Variants in VLDLR observed in about 807,000 individuals in gnomAD.
The protein encoded by VLDLR is very low-density lipoprotein receptor.
In VLDLR, 81 loss-of-function variants were observed where a neutral mutation model predicts 112.7. That is an observed-to-expected ratio of 0.72 (90% CI 0.60 to 0.86). The LOEUF (loss-of-function observed/expected upper bound fraction) is 0.86, where lower values mean the gene tolerates loss of function less well. Among genes scored for constraint, VLDLR ranks in the 40% least tolerant of loss-of-function variants. The probability of loss-of-function intolerance (pLI) is 0.00; values close to 1 mark genes in which losing one functional copy is unlikely to be tolerated. For synonymous variants in VLDLR, 436 were observed against 384.8 expected, an observed-to-expected ratio of 1.13 and a Z score of -1.56; for missense variants, 1,237 against 1,099.4, an observed-to-expected ratio of 1.13 and a Z score of -1.77.
Position 2,647,471 on chromosome 9 carries a change from C to T in VLDLR, c.1704-3C>T. On this transcript the variant is annotated splice_region_variant and splice_polypyrimidine_tract_variant and intron_variant, in intron 11 of 18. Coordinates refer to ENST00000382100, the MANE Select transcript of VLDLR (RefSeq NM_003383.5). The stretch of plus-strand genomic sequence containing the variant: ...GGCTTATTTCTCATTTAATTTTTCA[C>T]AGCTTTGTTTACTGGTCAGACTGGG... 1 of 1,612,514 alleles carries T rather than the reference C, an allele frequency of 6.2e-7. No homozygotes were observed. The highest frequency in any genetic ancestry group is 8.5e-7 in the Non-Finnish European group (1 of 1,178,550).
In VLDLR at chr9:2,654,135, A is replaced by G. The variant is rs1036108012; in HGVS notation, c.*267A>G. 2.7e-5 allele frequency: 13 copies of G among 478,638 alleles called. No individual in the cohort carries two copies. The highest frequency in any genetic ancestry group is 4.0e-5 in the East Asian group (1 of 24,830). 29.6% of individuals were successfully genotyped at this position (478,638 alleles called of 1,614,324 possible). ...ACAGTATTGCCACCTCTGGCCAAAT[A>G]TGCACTTTCCCTAGAAAGCCATATT... On this transcript the variant is annotated 3_prime_UTR_variant, in exon 19 of 19. Transcript: ENST00000382100.
chr9:2,645,689 T>C lies in VLDLR; in HGVS notation c.1428T>C (p.Ala476=). The C allele has an allele frequency of 6.2e-7, 1 of 1,614,198 alleles. No homozygotes were observed. The highest frequency in any genetic ancestry group is 1.7e-5 in the Admixed American group (1 of 60,022). The change falls in exon 10 of 19, where the codon GCT becomes GCC. Residue 476 remains alanine (A), a synonymous_variant. Coordinates refer to ENST00000382100, the MANE Select transcript of VLDLR (RefSeq NM_003383.5). ...EQLRNTVALD[A]DIAAQKLFWA... ...TAAGAAACACTGTGGCTCTCGATGC[T>C]GACATTGCTGCCCAGAAACTATTCT...
chr9:2,630,151 T>C (rs1817276655), intron 1 of VLDLR, among the ~76,000 whole-genome samples: 1 of 152,202 alleles, frequency 6.6e-6, no homozygotes, highest in African/African-American at 2.4e-5. Flanking sequence ...ACAATCTTTG[T>C]GCTTGACAGC....
intron 10 of VLDLR, 112 bp from the exon 11 acceptor site, chr9:2,646,222 A>T: frequency 1.0e-6 from 1 of 967,096 alleles, no homozygotes; most frequent in Non-Finnish European, 1.6e-6. Flanking sequence ...CTGTGGTGTT[A>T]ACTGGATTTC....
chr9:2,625,080 G>A (rs34226476), intron 1 of VLDLR, among the ~76,000 whole-genome samples: 1,723 of 152,304 alleles, frequency 0.011, 30 homozygotes, highest in African/African-American at 0.04. Flanking sequence ...GCTAGCAAAG[G>A]TGACAGTCTC....
At position 2,654,900 on chromosome 9, in the gene VLDLR, A is replaced by T. The variant is rs979061892; in HGVS notation, c.*1032A>T. 1 of 152,226 alleles carries T rather than the reference A, an allele frequency of 6.6e-6. No individual in the cohort carries two copies. The highest frequency in any genetic ancestry group is 6.5e-5 in the Admixed American group (1 of 15,280). The allele number at this position is 152,226 out of a possible 1,614,324, so 9.4% of individuals were successfully genotyped here. ...GGGCTTTCTTCTTATGAAAGTCTAG[A>T]CTGTCTTACTGTGAAGATGGCCAGG... On this transcript the variant is annotated 3_prime_UTR_variant, in exon 19 of 19. Transcript: ENST00000382100.
At chr9:2,632,099 C>T (rs969630938) in intron 1 of VLDLR, among the ~76,000 whole-genome samples, 2 of 152,186 alleles carry the variant, frequency 1.3e-5, no homozygotes, top group African/African-American at 4.8e-5. Flanking sequence ...GTACAAGCGA[C>T]TTCCAACCCC....
rs144724569 is a variant in VLDLR at position 2,645,713 on chromosome 9, C to T, written c.1452C>T (p.Phe484=). The T allele has an allele frequency of 6.2e-7, 1 of 1,614,192 alleles. No homozygotes were observed. Among genetic ancestry groups the T allele is most frequent in the Non-Finnish European group, 8.5e-7 (1 of 1,180,032 alleles). Reference sequence around the variant, plus strand: ...CTGACATTGCTGCCCAGAAACTATTCTGGGCCGATCTAAGCCAAAAGGCTA... The same window carrying T: ...CTGACATTGCTGCCCAGAAACTATTTTGGGCCGATCTAAGCCAAAAGGCTA... ...LDADIAAQKL[F]WADLSQKAIF... is the part of the protein sequence containing the mutation. Residue 484 remains phenylalanine, a synonymous_variant, in exon 10 of 19, where the codon TTC becomes TTT. Coordinates refer to ENST00000382100, the MANE Select transcript of VLDLR (RefSeq NM_003383.5).
rs12348518 is a variant in VLDLR, at chr9:2,647,392, A to G, written c.1704-82A>G. On this transcript the variant is annotated intron_variant, in intron 11 of 18. Transcript: ENST00000382100. ...GAGAATGCCTTGAGTTTTCTGCTCA[A>G]ATTTTAAATTTTTGTTTCCAGCTAC... The G allele has an allele frequency of 1.4e-3, 1,729 of 1,222,294 alleles. 17 individuals are homozygous for G. The African/African-American group carries it at 0.023, about 17-fold the overall frequency. The allele number at this position is 1,222,294 out of a possible 1,614,324, so 75.7% of individuals were successfully genotyped here. A position where few individuals can be genotyped will look rare whatever the true frequency, so the allele number is the denominator to read the frequency against.
intron 15 of VLDLR, among the ~76,000 whole-genome samples, chr9:2,650,874 C>T (rs757013737): frequency 3.9e-5 from 6 of 152,162 alleles, no homozygotes; most frequent in Admixed American, 1.3e-4. Context: ...ACAGAAACCT[C>T]ATTGCCTCAG....
In VLDLR at chr9:2,654,090, T is replaced by A; in HGVS notation, c.*222T>A. The A allele has an allele frequency of 1.8e-6, 1 of 541,654 alleles. No individual in the cohort carries two copies. The allele number at this position is 541,654 out of a possible 1,614,324, so 33.6% of individuals were successfully genotyped here. On this transcript the variant is annotated 3_prime_UTR_variant, in exon 19 of 19. Transcript: ENST00000382100. ...GCTTTGGATGTGGTTACCGAGTATCTGTAACCCTTGAATTTCTAGACAGTA... is the reference window on the plus strand; with the variant it reads ...GCTTTGGATGTGGTTACCGAGTATCAGTAACCCTTGAATTTCTAGACAGTA...
rs144842116 is a variant in VLDLR, at chr9:2,648,314, C to T, written c.1929C>T (p.Phe643=). 1 of 1,614,156 alleles carries T rather than the reference C, an allele frequency of 6.2e-7. No homozygotes were observed. The highest frequency in any genetic ancestry group is 8.5e-7 in the Non-Finnish European group (1 of 1,180,022). ...GGATAGTACTAAAGTCTCTGGAGTT[C>T]CTAGCTCATCCTCTTGCACTAACAA... The part of the protein sequence containing the change: ...DRRIVLKSLE[F]LAHPLALTIF... The change falls in exon 13 of 19, where the codon TTC becomes TTT. Residue 643 remains phenylalanine (F), a synonymous_variant. Coordinates refer to ENST00000382100, the MANE Select transcript of VLDLR (RefSeq NM_003383.5).
At chr9:2,628,655 G>A (rs1817204582) in intron 1 of VLDLR, among the ~76,000 whole-genome samples, 1 of 152,144 alleles carries the variant, frequency 6.6e-6, no homozygotes, top group African/African-American at 2.4e-5. Context: ...TGAGAGGAGG[G>A]CTTGGGCATA....
rs777707388 is a variant in VLDLR, at chr9:2,652,912, G to A, written c.2549G>A (p.Gly850Asp). 8 of 1,613,976 alleles carry A rather than the reference G, an allele frequency of 5.0e-6. 1 individual carries two copies. The South Asian group carries it at 8.8e-5, about 18-fold the overall frequency. ...TTEEDLSIDI[G>D]RHSASVGHTY... ...GAAGAGGACCTCTCCATAGACATTG[G>A]TAGACACAGTGCTTCTGTTGGACAC... Residue 850 changes from glycine (G) to aspartate (D), a missense_variant, in exon 18 of 19, where the codon GGT becomes GAT. Transcript: ENST00000382100.
At chr9:2,626,750 A>G (rs766273031) in intron 1 of VLDLR, among the ~76,000 whole-genome samples, 1 of 152,140 alleles carries the variant, frequency 6.6e-6, no homozygotes. Context: ...GGGACTTGCA[A>G]TTTGCCAACC....
At position 2,646,392 on chromosome 9, in the gene VLDLR, C is replaced by T. The variant is rs1818071966; in HGVS notation, c.1543C>T (p.Pro515Ser). 1 of 1,614,164 alleles carries T rather than the reference C, an allele frequency of 6.2e-7. No homozygotes were observed. The highest frequency in any genetic ancestry group is 8.5e-7 in the Non-Finnish European group (1 of 1,180,024). Residue 515 changes from proline to serine, a missense_variant, in exon 11 of 19, where the codon CCT (proline) becomes TCT (serine). Physicochemically the swap from Pro to Ser is moderately conservative, Grantham distance 74. Transcript: ENST00000382100. ...TAAAATGATCGACAATGTCTATAATCCTGCAGCCATTGCTGTTGATTGGGT... is the reference window on the plus strand; with the variant it reads ...TAAAATGATCGACAATGTCTATAATTCTGCAGCCATTGCTGTTGATTGGGT... The part of the protein sequence containing the change: ...HVKMIDNVYN[P>S]AAIAVDWVYK...
At chr9:2,644,902 G>A (rs1303659596) in intron 8 of VLDLR, 49 bp downstream of exon 8, 1 of 1,614,128 alleles carries the variant, frequency 6.2e-7, no homozygotes, top group East Asian at 2.2e-5. Flanking sequence ...GGAAAGGATA[G>A]TATGTACCTA....
rs372047946 is a variant in VLDLR, at chr9:2,646,562, C to T, written c.1703+10C>T. 9.2e-5 allele frequency: 148 copies of T among 1,613,406 alleles called. No individual in the cohort carries two copies. In the African/African-American group the frequency reaches 1.2e-3, roughly 13 times the overall value. The stretch of plus-strand genomic sequence containing the variant: ...TGGACCCACTGTCTGGGTTTGTAGT[C>T]TGTTTTCCATCACAGACTTTGGAAT... On this transcript the variant is annotated intron_variant, in intron 11 of 18. Transcript: ENST00000382100.
At chr9:2,628,486 G>C (rs1817196456) in intron 1 of VLDLR, among the ~76,000 whole-genome samples, 1 of 152,172 alleles carries the variant, frequency 6.6e-6, no homozygotes, top group South Asian at 2.1e-4. Context: ...AAAAGTCTGA[G>C]GAAATTAGTA....
Sources: gnomAD v4.1 joint callset for allele counts (sites outside exome capture counted in the v4.1 genomes callset) on GRCh38, gnomAD v4.1.1 for gene constraint, MANE v1.5 for transcripts, NCBI Gene and HGNC (gene_info 2026-07-23, HGNC 2026-07-21) for gene names.